LSAMP: variants seen among roughly 807,000 people sequenced by gnomAD.
LSAMP encodes limbic system associated membrane protein, also known as limbic system-associated membrane protein.
In LSAMP, 7 loss-of-function variants were observed where a neutral mutation model predicts 38.6. The observed-to-expected ratio is 0.18, with a 90% CI of 0.10 to 0.34. The LOEUF (loss-of-function observed/expected upper bound fraction) is 0.34, where lower values mean the gene tolerates loss of function less well. Among genes scored for constraint, LSAMP ranks in the 10% least tolerant of loss-of-function variants. The pLI is 1.00. For missense variants in LSAMP, 313 were observed against 420.0 expected (o/e 0.75, Z 2.23); for synonymous variants, 154 against 166.8 (o/e 0.92, Z 0.59).
chr3:116,220,185 A>AAAACACACAC (rs2046264850), intron 1 of LSAMP, among the ~76,000 whole-genome samples: 1 of 141,376 alleles, frequency 7.1e-6, no homozygotes, highest in African/African-American at 2.6e-5. Flanking sequence ...TCCATCTCAA[A>AAAACACACAC]ACACACACAC....
At chr3:115,991,454 A>ATGTATGG (rs1422153493) in intron 3 of LSAMP, among the ~76,000 whole-genome samples, 12 of 152,260 alleles carry the variant, frequency 7.9e-5, no homozygotes, top group African/African-American at 2.9e-4. Context: ...CTGTGGACAC[A>ATGTATGG]CACAGCACAA....
intron 1 of LSAMP, among the ~76,000 whole-genome samples, chr3:116,332,061 A>C (rs2047860177): frequency 6.6e-6 from 1 of 152,014 alleles, no homozygotes; most frequent in African/African-American, 2.4e-5. Context: ...GGCTGGCTGG[A>C]ACTCCTGGAC....
chr3:116,098,272 G>T (rs578201855), intron 1 of LSAMP, among the ~76,000 whole-genome samples: 137 of 152,174 alleles, frequency 9.0e-4, no homozygotes, highest in African/African-American at 3.2e-3. Flanking sequence ...GCCGAGGCAG[G>T]AGGATCACCT....
intron 1 of LSAMP, among the ~76,000 whole-genome samples, chr3:116,403,167 A>C (rs1677970143): frequency 1.3e-5 from 2 of 152,224 alleles, no homozygotes; most frequent in Admixed American, 1.3e-4. Context: ...AATGGATGTT[A>C]TTCACAGTTA....
At chr3:115,912,724 AT>A (rs1275310389) in intron 3 of LSAMP, among the ~76,000 whole-genome samples, 3 of 152,102 alleles carry the variant, frequency 2.0e-5, no homozygotes, top group African/African-American at 4.8e-5. Flanking sequence ...TGTTTAAAAA[AT>A]TTTTTGTCTT....
intron 1 of LSAMP, among the ~76,000 whole-genome samples, chr3:116,306,913 G>T (rs1289698059): frequency 1.3e-5 from 2 of 151,884 alleles, no homozygotes; most frequent in African/African-American, 4.8e-5. Context: ...AAATTATAGG[G>T]TATATGAGCT....
chr3:116,407,430 A>G (rs2048911126), intron 1 of LSAMP, among the ~76,000 whole-genome samples: 1 of 152,052 alleles, frequency 6.6e-6, no homozygotes, highest in South Asian at 2.1e-4. Context: ...TAGATTCTCA[A>G]TAGTAGTAAG....
chr3:115,894,940 A>T (rs768672345), intron 3 of LSAMP, among the ~76,000 whole-genome samples: 4 of 151,566 alleles, frequency 2.6e-5, no homozygotes, highest in Non-Finnish European at 5.9e-5. Flanking sequence ...TCACAAAGGC[A>T]CTTTGATTTC....
intron 3 of LSAMP, among the ~76,000 whole-genome samples, chr3:115,976,707 T>C (rs1027624091): frequency 3.3e-5 from 5 of 152,124 alleles, no homozygotes; most frequent in Non-Finnish European, 5.9e-5. Flanking sequence ...GGGCGGATTA[T>C]CCCCTTGCTG....
chr3:116,340,533 A>G (rs2047978582), intron 1 of LSAMP, among the ~76,000 whole-genome samples: 1 of 152,014 alleles, frequency 6.6e-6, no homozygotes, highest in Admixed American at 6.6e-5. Flanking sequence ...TATTTTATTG[A>G]AATGCTTATT....
intron 6 of LSAMP, among the ~76,000 whole-genome samples, chr3:115,826,674 T>C (rs1934422728): frequency 6.6e-6 from 1 of 152,220 alleles, no homozygotes. Context: ...AGTAAATGAA[T>C]GGTGTCGTCA....
intron 1 of LSAMP, among the ~76,000 whole-genome samples, chr3:116,144,782 T>TC (rs999997283): frequency 3.9e-5 from 6 of 151,914 alleles, no homozygotes; most frequent in Non-Finnish European, 5.9e-5. Flanking sequence ...AATTCAAATT[T>TC]CCCGGGTGCT....
intron 1 of LSAMP, among the ~76,000 whole-genome samples, chr3:116,201,840 G>T (rs1437720911): frequency 6.6e-6 from 1 of 152,152 alleles, no homozygotes; most frequent in Non-Finnish European, 1.5e-5. Flanking sequence ...TCTGTGGAGA[G>T]AACAATAGAT....
chr3:116,106,243 A>G (rs1708463746), intron 1 of LSAMP, among the ~76,000 whole-genome samples: 1 of 152,224 alleles, frequency 6.6e-6, no homozygotes, highest in Non-Finnish European at 1.5e-5. Context: ...ACCAGGAGAT[A>G]TCAGCTGTAA....
At chr3:116,301,397 A>AAAAT (rs778619728) in intron 1 of LSAMP, among the ~76,000 whole-genome samples, 12 of 152,316 alleles carry the variant, frequency 7.9e-5, no homozygotes, top group African/African-American at 2.9e-4. Context: ...CAAACAAACA[A>AAAAT]AAATAAATAA....
intron 2 of LSAMP, among the ~76,000 whole-genome samples, chr3:116,079,509 T>C (rs4831228): frequency 0.21 from 31,313 of 151,630 alleles, 3,772 homozygotes; most frequent in African/African-American, 0.33. Flanking sequence ...GAAAATTAGC[T>C]GGGCATGGTG....
intron 3 of LSAMP, among the ~76,000 whole-genome samples, chr3:115,951,197 C>T (rs1938276677): frequency 1.3e-5 from 2 of 152,154 alleles, no homozygotes; most frequent in African/African-American, 2.4e-5. Flanking sequence ...AAAAACTCTT[C>T]TAGACATTGG....
chr3:116,249,811 C>G (rs2046656219), intron 1 of LSAMP, among the ~76,000 whole-genome samples: 1 of 152,106 alleles, frequency 6.6e-6, no homozygotes, highest in African/African-American at 2.4e-5. Flanking sequence ...TGGGCCAGCA[C>G]TACCCTTTAG....
intron 1 of LSAMP, among the ~76,000 whole-genome samples, chr3:116,273,509 A>G (rs1003989508): frequency 2.0e-5 from 3 of 151,296 alleles, no homozygotes; most frequent in Non-Finnish European, 4.4e-5. Context: ...TAAACAACGA[A>G]ACAACTTTAA....
Sources: allele counts gnomAD v4.1 joint callset (sites outside exome capture counted in the v4.1 genomes callset), GRCh38; gene constraint gnomAD v4.1.1; transcripts MANE v1.5; gene names NCBI Gene and HGNC (gene_info 2026-07-23, HGNC 2026-07-21).